Variants in PRKAA2 observed in about 807,000 individuals in gnomAD.
PRKAA2 encodes 5'-AMP-activated protein kinase catalytic subunit alpha-2.
In PRKAA2, 40 loss-of-function variants were observed where a neutral mutation model predicts 56.3. The observed-to-expected ratio is 0.71, with a 90% CI of 0.55 to 0.92. The LOEUF is 0.92. PRKAA2 is among the 40% of genes least tolerant of loss of function. The probability of loss-of-function intolerance (pLI) is 0.00; values close to 1 mark genes in which losing one functional copy is unlikely to be tolerated. For missense variants in PRKAA2, 542 were observed against 686.9 expected (o/e 0.79, Z 2.36); for synonymous variants, 214 against 234.2 (o/e 0.91, Z 0.79).
chr1:56,706,273 A>T (rs1379559418), intron 8 of PRKAA2, 55 bp downstream of exon 8: 13 of 1,580,964 alleles, frequency 8.2e-6, no homozygotes, highest in Admixed American at 1.8e-5. Flanking sequence ...GCACTAGTTG[A>T]CCAGATGTTA....
At chr1:56,663,863 G>T (rs2100393205) in intron 1 of PRKAA2, among the ~76,000 whole-genome samples, 1 of 152,292 alleles carries the variant, frequency 6.6e-6, no homozygotes, top group East Asian at 1.9e-4. Context: ...ACTTTAAGAG[G>T]CAGAGGTAGG....
chr1:56,682,078 G>A (rs982145771), intron 2 of PRKAA2, among the ~76,000 whole-genome samples: 2 of 152,084 alleles, frequency 1.3e-5, no homozygotes, highest in African/African-American at 4.8e-5. Context: ...CACATCCCTT[G>A]TAAGTTGGAT....
intron 1 of PRKAA2, among the ~76,000 whole-genome samples, chr1:56,665,772 T>C (rs747297288): frequency 1.3e-5 from 2 of 152,180 alleles, no homozygotes; most frequent in Non-Finnish European, 2.9e-5. Flanking sequence ...GTGGTCTTAA[T>C]TTACTTTTCT....
At chr1:56,691,197 C>T (rs1026516744) in intron 2 of PRKAA2, among the ~76,000 whole-genome samples, 197 bp from the exon 3 acceptor site, 6 of 152,184 alleles carry the variant, frequency 3.9e-5, no homozygotes, top group African/African-American at 7.2e-5. Context: ...AAGGAACGGC[C>T]GTGAGCCTCA....
chr1:56,672,785 G>A (rs1214811282), intron 1 of PRKAA2, among the ~76,000 whole-genome samples: 1 of 152,158 alleles, frequency 6.6e-6, no homozygotes, highest in African/African-American at 2.4e-5. Flanking sequence ...TCCGTAGAGT[G>A]GAGGTGGAAA....
In PRKAA2 at chr1:56,693,707, T is replaced by C. The variant is rs1644242445; in HGVS notation, c.476-58T>C. 9.6e-6 allele frequency: 12 copies of C among 1,248,950 alleles called. 1 individual carries two copies. The South Asian group carries it at 1.8e-4, about 19-fold the overall frequency. The allele number at this position is 1,248,950 out of a possible 1,614,324, so 77.4% of individuals were successfully genotyped here. ...ACTTGAAATTTTGCTCATATTTATA[T>C]GACTTTATCTACTTTTAAAAATATC... On this transcript the variant is annotated intron_variant, in intron 4 of 8. Coordinates refer to ENST00000371244, the MANE Select transcript of PRKAA2 (RefSeq NM_006252.4).
At chr1:56,655,226 A>G (rs1345614622) in intron 1 of PRKAA2, among the ~76,000 whole-genome samples, 2 of 146,298 alleles carry the variant, frequency 1.4e-5, no homozygotes, top group African/African-American at 5.0e-5. Flanking sequence ...TCTTTTTAAA[A>G]AAATCATTTT....
In PRKAA2 at chr1:56,691,439, A is replaced by G; in HGVS notation, c.282A>G (p.Glu94=). The part of the protein sequence containing the change: ...STPTDFFMVM[E]YVSGGELFDY... The stretch of plus-strand genomic sequence containing the variant: ...CAACAGATTTTTTTATGGTAATGGA[A>G]TATGTGTCTGGAGGTGAATTATTTG... Residue 94 remains glutamate (E), a synonymous_variant, in exon 3 of 9, where the codon GAA becomes GAG. Transcript: ENST00000371244. 2 of 1,612,826 alleles carry G rather than the reference A, an allele frequency of 1.2e-6. No individual in the cohort carries two copies. Among genetic ancestry groups the G allele is most frequent in the Non-Finnish European group, 1.7e-6 (2 of 1,179,120 alleles).
At chr1:56,674,353 CA>C (rs1288630028) in intron 1 of PRKAA2, 27 bp from the exon 2 acceptor site, 9 of 1,511,566 alleles carry the variant, frequency 6.0e-6, no homozygotes, top group Non-Finnish European at 8.0e-6. Context: ...TATGATAGCA[CA>C]TTTTTTTTCC....
intron 5 of PRKAA2, among the ~76,000 whole-genome samples, 200 bp downstream of exon 5, chr1:56,694,052 C>T (rs908873422): frequency 4.6e-5 from 7 of 152,064 alleles, no homozygotes; most frequent in South Asian, 2.1e-4. Context: ...AATATACTTA[C>T]GAAGTTTTCC....
At chr1:56,692,281 C>A in intron 3 of PRKAA2, 77 bp from the exon 4 acceptor site, 4 of 1,558,160 alleles carry the variant, frequency 2.6e-6, no homozygotes, top group Non-Finnish European at 3.5e-6. Context: ...ATCCACCTGC[C>A]TTGGCTGGGA....
chr1:56,692,811 GA>G (rs1184408346), intron 4 of PRKAA2, among the ~76,000 whole-genome samples: 2 of 147,466 alleles, frequency 1.4e-5, no homozygotes, highest in African/African-American at 5.1e-5. Flanking sequence ...TTTTTGAAGA[GA>G]GGGGAGGAGT....
At chr1:56,677,082 C>T (rs2051040) in intron 2 of PRKAA2, among the ~76,000 whole-genome samples, 47,373 of 152,034 alleles carry the variant, frequency 0.31, 8,101 homozygotes, top group Admixed American at 0.46. Flanking sequence ...ATTAAAATTC[C>T]ACCCATGAGC....
At chr1:56,692,999 G>A (rs1010486146) in intron 4 of PRKAA2, among the ~76,000 whole-genome samples, 1 of 152,064 alleles carries the variant, frequency 6.6e-6, no homozygotes, top group African/African-American at 2.4e-5. Flanking sequence ...TTTGTCAGGG[G>A]TAAAAGGTAC....
At position 56,706,084 on chromosome 1, in the gene PRKAA2, C is replaced by G; in HGVS notation, c.1294-8C>G. The G allele has an allele frequency of 1.3e-6, 2 of 1,584,742 alleles. No individual in the cohort carries two copies. The highest frequency in any genetic ancestry group is 1.7e-6 in the Non-Finnish European group (2 of 1,166,282). On this transcript the variant is annotated splice_polypyrimidine_tract_variant and splice_region_variant and intron_variant, in intron 7 of 8. Transcript: ENST00000371244. ...TAGTTTATTATTTTTATTGATTTTTCACTTTAGGTAGTGAATGCATACCAT... is the reference window on the plus strand; with the variant it reads ...TAGTTTATTATTTTTATTGATTTTTGACTTTAGGTAGTGAATGCATACCAT...
chr1:56,645,545 G>C, intron 1 of PRKAA2, 64 bp downstream of exon 1: 1 of 1,387,674 alleles, frequency 7.2e-7, no homozygotes, highest in Non-Finnish European at 9.5e-7. Flanking sequence ...GAGGGGAGAG[G>C]CGGGAGCCCC....
At chr1:56,676,544 A>C (rs1023840932) in intron 2 of PRKAA2, among the ~76,000 whole-genome samples, 2 of 152,212 alleles carry the variant, frequency 1.3e-5, no homozygotes, top group Non-Finnish European at 2.9e-5. Flanking sequence ...ACTGAGACAT[A>C]TGTCAAGCTT....
At chr1:56,705,969 A>G in intron 7 of PRKAA2, 123 bp from the exon 8 acceptor site, 2 of 774,252 alleles carry the variant, frequency 2.6e-6, no homozygotes, top group Non-Finnish European at 4.0e-6. Flanking sequence ...AACTACCAGT[A>G]ATATAAAAAA....
chr1:56,705,478 C>G (rs544298555), intron 7 of PRKAA2, among the ~76,000 whole-genome samples: 1 of 152,102 alleles, frequency 6.6e-6, no homozygotes, highest in South Asian at 2.1e-4. Context: ...GATCTTGGCT[C>G]ACTGCAACCC....
Sources: allele counts gnomAD v4.1 joint callset (sites outside exome capture counted in the v4.1 genomes callset), GRCh38; gene constraint gnomAD v4.1.1; transcripts MANE v1.5; gene names NCBI Gene and HGNC (gene_info 2026-07-23, HGNC 2026-07-21).